PRKG1: variants seen among roughly 807,000 people sequenced by gnomAD.
The protein encoded by PRKG1 is cGMP-dependent protein kinase 1.
A neutral mutation model predicts 88.1 loss-of-function variants in PRKG1; 35 were observed. The ratio of observed to expected loss-of-function variants is 0.40; its 90% CI spans 0.30 to 0.53. The LOEUF (loss-of-function observed/expected upper bound fraction) is 0.53. Among genes scored for constraint, PRKG1 ranks in the 20% least tolerant of loss-of-function variants. The pLI, the probability that PRKG1 is intolerant of heterozygous loss-of-function variation, is 0.59. For synonymous variants in PRKG1, 303 were observed against 292.5 expected, an observed-to-expected ratio of 1.04 and a Z score of -0.37; for missense variants, 540 against 839.8, an observed-to-expected ratio of 0.64 and a Z score of 4.41.
intron 2 of PRKG1, among the ~76,000 whole-genome samples, chr10:51,247,169 C>G (rs1320324721): frequency 1.3e-5 from 2 of 151,942 alleles, no homozygotes; most frequent in Admixed American, 1.3e-4. Context: ...GATGAAAAAA[C>G]CCCTGCTTCT....
chr10:51,287,279 G>C (rs1019609311), intron 2 of PRKG1, among the ~76,000 whole-genome samples: 4 of 152,190 alleles, frequency 2.6e-5, no homozygotes, highest in Non-Finnish European at 5.9e-5. Flanking sequence ...CTGAGGGCCA[G>C]GTGGTATATA....
intron 5 of PRKG1, among the ~76,000 whole-genome samples, chr10:51,984,727 A>T (rs1844107875): frequency 1.3e-5 from 2 of 152,312 alleles, no homozygotes; most frequent in South Asian, 4.1e-4. Flanking sequence ...ATAAAAAATG[A>T]TTTCAGTCAT....
intron 2 of PRKG1, among the ~76,000 whole-genome samples, chr10:51,301,963 G>A (rs146936441): frequency 3.3e-5 from 5 of 152,270 alleles, no homozygotes; most frequent in African/African-American, 1.2e-4. Flanking sequence ...CCATGTATCA[G>A]CCTCTTCTAA....
chr10:52,228,689 TAAC>T (rs1486380663), intron 9 of PRKG1, among the ~76,000 whole-genome samples: 1 of 152,194 alleles, frequency 6.6e-6, no homozygotes, highest in Non-Finnish European at 1.5e-5. Flanking sequence ...GTAATAATAA[TAAC>T]AATAGTATCA....
intron 2 of PRKG1, among the ~76,000 whole-genome samples, chr10:51,451,063 A>G (rs1839423158): frequency 6.6e-6 from 1 of 151,906 alleles, no homozygotes; most frequent in Admixed American, 6.6e-5. Flanking sequence ...AGTGCATAAA[A>G]TACACTACTT....
chr10:51,827,615 A>T (rs10508959), intron 4 of PRKG1, among the ~76,000 whole-genome samples: 31,870 of 152,006 alleles, frequency 0.21, 5,372 homozygotes, highest in African/African-American at 0.47. Context: ...GGGAACTAAA[A>T]TTGAAGACCT....
At position 51,628,353 on chromosome 10, in the gene PRKG1, A is replaced by G. The variant is rs1441875454; in HGVS notation, c.592+160517A>G. 2.0e-5 allele frequency among the ~76,000 whole-genome samples: 3 copies of G among 151,138 alleles called. 1 individual carries two copies. Among genetic ancestry groups the G allele is most frequent in the Admixed American group, 1.3e-4 (2 of 15,164 alleles). On this transcript the variant is annotated intron_variant, in intron 3 of 17. Coordinates refer to ENST00000373980, the MANE Select transcript of PRKG1 (RefSeq NM_006258.4). Reference sequence around the variant, plus strand: ...AATTTTTGTATTTTTTGTAGAAATGAGGTCTCACTATGTTGCCCAGGCCAA... The same window carrying G: ...AATTTTTGTATTTTTTGTAGAAATGGGGTCTCACTATGTTGCCCAGGCCAA...
chr10:52,135,059 G>A (rs1837368206), intron 8 of PRKG1, among the ~76,000 whole-genome samples: 2 of 152,078 alleles, frequency 1.3e-5, no homozygotes, highest in African/African-American at 2.4e-5. Context: ...GGTTTTAAGA[G>A]TTAGCGTCTA....
At chr10:51,492,366 C>A (rs564641138) in intron 3 of PRKG1, among the ~76,000 whole-genome samples, 1 of 152,132 alleles carries the variant, frequency 6.6e-6, no homozygotes, top group East Asian at 1.9e-4. Flanking sequence ...ACCAAATAAT[C>A]CAACTTTTAA....
chr10:52,125,165 T>C (rs1440284062), intron 7 of PRKG1, among the ~76,000 whole-genome samples: 1 of 152,208 alleles, frequency 6.6e-6, no homozygotes, highest in Non-Finnish European at 1.5e-5. Context: ...ATATGTGCTA[T>C]ACTTACATAT....
intron 3 of PRKG1, among the ~76,000 whole-genome samples, chr10:51,627,982 TTCTTTCTTTCTCTCTC>T (rs1564579747): frequency 1.8e-4 from 6 of 34,026 alleles, no homozygotes; most frequent in African/African-American, 5.9e-4. Flanking sequence ...CTTTCTTTCT[TTCTTTCTTTCTCTCTC>T]TCTCTCTCTC....
intron 2 of PRKG1, among the ~76,000 whole-genome samples, chr10:51,170,439 C>T (rs531555230): frequency 0.14 from 6,539 of 45,666 alleles, 333 homozygotes; most frequent in African/African-American, 0.41. Flanking sequence ...TCTGGGTATA[C>T]ACACACACAC....
chr10:51,698,660 G>A, intron 3 of PRKG1: 1 of 1,614,190 alleles, frequency 6.2e-7, no homozygotes, highest in South Asian at 1.1e-5. Context: ...TAAAGGCACT[G>A]GGCCAACCCC....
At chr10:51,310,711 G>A (rs993768687) in intron 2 of PRKG1, among the ~76,000 whole-genome samples, 4 of 152,070 alleles carry the variant, frequency 2.6e-5, no homozygotes, top group Non-Finnish European at 4.4e-5. Context: ...TATGGCCAAT[G>A]TTACTGAGTG....
chr10:51,354,931 C>G (rs1292868443), intron 2 of PRKG1, among the ~76,000 whole-genome samples: 1 of 152,006 alleles, frequency 6.6e-6, no homozygotes, highest in African/African-American at 2.4e-5. Context: ...GAGGACCCTC[C>G]CTCTGAGCAT....
intron 9 of PRKG1, among the ~76,000 whole-genome samples, chr10:52,233,868 GACAA>G (rs1258521615): frequency 6.6e-6 from 1 of 152,174 alleles, no homozygotes; most frequent in African/African-American, 2.4e-5. Flanking sequence ...GCAGGGCACA[GACAA>G]ACAAAAAGAC....
intron 1 of PRKG1, among the ~76,000 whole-genome samples, chr10:51,059,869 T>C (rs1843674956): frequency 6.6e-6 from 1 of 152,192 alleles, no homozygotes; most frequent in Non-Finnish European, 1.5e-5. Context: ...AGCCTGATTA[T>C]ATTTCTGCCT....
At chr10:51,887,971 A>G (rs1841615343) in intron 4 of PRKG1, among the ~76,000 whole-genome samples, 2 of 152,358 alleles carry the variant, frequency 1.3e-5, no homozygotes, top group South Asian at 4.1e-4. Context: ...CATAGTACCT[A>G]CAGTTAATAA....
intron 2 of PRKG1, among the ~76,000 whole-genome samples, chr10:51,210,869 G>T (rs892849187): frequency 6.6e-6 from 1 of 152,074 alleles, no homozygotes; most frequent in Non-Finnish European, 1.5e-5. Flanking sequence ...ATTCACAGCC[G>T]AATTCTACCA....
Sources: allele counts gnomAD v4.1 joint callset (sites outside exome capture counted in the v4.1 genomes callset), GRCh38; gene constraint gnomAD v4.1.1; transcripts MANE v1.5; gene names NCBI Gene and HGNC (gene_info 2026-07-23, HGNC 2026-07-21).